CRTC2: variants seen among roughly 807,000 people sequenced by gnomAD.
The protein encoded by CRTC2 is CREB regulated transcription coactivator 2, also known as CREB-regulated transcription coactivator 2.
Under a neutral mutation model 70.9 loss-of-function variants are expected in CRTC2, and 25 were observed. The ratio of observed to expected loss-of-function variants is 0.35; its 90% CI spans 0.26 to 0.49. CRTC2 has a LOEUF of 0.49. Ranked by LOEUF, CRTC2 falls within the 20% of genes least tolerant of loss-of-function variation. The probability of loss-of-function intolerance (pLI) is 0.98; values close to 1 mark genes in which losing one functional copy is unlikely to be tolerated. For synonymous variants in CRTC2, 330 were observed against 364.1 expected (o/e 0.91, Z 1.07); for missense variants, 737 against 882.6 (o/e 0.83, Z 2.09).
chr1:153,948,308 G>C lies in CRTC2; in HGVS notation c.1883C>G (p.Ser628Cys), dbSNP rs1421958751. The stretch of plus-strand genomic sequence containing the variant: ...GGCCAGGGCTGCTGCAATCTCCTTA[G>C]AGAAACCTGGAGAGGAGTCCCCTGT... ...ILTGDSSPGF[S>C]KEIAAALAGV... is the part of the protein sequence containing the mutation. The change falls in exon 14 of 14, where the codon TCT becomes TGT. Residue 628 changes from serine (S) to cysteine (C), a missense_variant. Ser to Cys is a moderately radical substitution (Grantham distance 112). This residue lies in a region of CRTC2 where 699 missense variants were observed against 823.7 expected (regional missense o/e 0.85). Coordinates refer to ENST00000368633, the MANE Select transcript of CRTC2 (RefSeq NM_181715.3). 6.2e-7 allele frequency: 1 copy of C among 1,614,252 alleles called. No homozygotes were observed. Among genetic ancestry groups the C allele is most frequent in the Non-Finnish European group, 8.5e-7 (1 of 1,180,050 alleles).
rs1169815111 is a variant in CRTC2, at chr1:153,954,241, C to T, written c.434+14G>A. 1 of 1,606,164 alleles carries T rather than the reference C, an allele frequency of 6.2e-7. No individual in the cohort carries two copies. The highest frequency in any genetic ancestry group is 1.1e-5 in the South Asian group (1 of 90,214). On this transcript the variant is annotated intron_variant, in intron 4 of 13. Transcript: ENST00000368633. ...GAGAGTAGGCAGGAGCTTCTGCCCG[C>T]CCTGGACACTTACCTTCGCCAGCTA... is the stretch of plus-strand genomic sequence containing the variant.
chr1:153,953,469 G>C, intron 5 of CRTC2, 69 bp downstream of exon 5: 1 of 1,537,264 alleles, frequency 6.5e-7, no homozygotes, highest in Admixed American at 1.7e-5. Flanking sequence ...GAACAGGGTG[G>C]GGGTGAGGGA....
At position 153,947,980 on chromosome 1, in the gene CRTC2, G is replaced by C; in HGVS notation, c.*129C>G. 1 of 949,178 alleles carries C rather than the reference G, an allele frequency of 1.1e-6. No individual in the cohort carries two copies. The highest frequency in any genetic ancestry group is 1.5e-5 in the South Asian group (1 of 64,874). The allele number at this position is 949,178 out of a possible 1,614,324, so 58.8% of individuals were successfully genotyped here. A position where few individuals can be genotyped will look rare whatever the true frequency, so the allele number is the denominator to read the frequency against. On this transcript the variant is annotated 3_prime_UTR_variant, in exon 14 of 14. Coordinates refer to ENST00000368633, the MANE Select transcript of CRTC2 (RefSeq NM_181715.3). ...AAACCCCTTGCTTTTTCTCATTCTT[G>C]GCATCCTTCATTCATGCTAGAAAGA...
At chr1:153,958,055 A>G in intron 1 of CRTC2, 1 of 1,315,170 alleles carries the variant, frequency 7.6e-7, no homozygotes, top group Non-Finnish European at 9.7e-7. Flanking sequence ...CACAAGGACC[A>G]CTCACCTCCT....
rs1178213488 is a variant in CRTC2 at position 153,952,815 on chromosome 1, C to T, written c.627G>A (p.Met209Ile). 4 of 1,614,238 alleles carry T rather than the reference C, an allele frequency of 2.5e-6. No homozygotes were observed. Among genetic ancestry groups the T allele is most frequent in the Non-Finnish European group, 3.4e-6 (4 of 1,180,034 alleles). ...SRRGGILDGE[M>I]DPKVPAIEEN... ...GTGAGGAACACATACCTTTGGGGTC[C>T]ATTTCACCATCCAGAATACCTGCAA... Residue 209 changes from methionine (M) to isoleucine (I), a missense_variant, in exon 7 of 14, where the codon ATG becomes ATA. Physicochemically the swap from Met to Ile is conservative, Grantham distance 10 (BLOSUM62 1). This residue lies in a region of CRTC2 where 699 missense variants were observed against 823.7 expected (regional missense o/e 0.85). Coordinates refer to ENST00000368633, the MANE Select transcript of CRTC2 (RefSeq NM_181715.3).
At chr1:153,957,928 TGGA>T in intron 1 of CRTC2, 1 of 662,164 alleles carries the variant, frequency 1.5e-6, no homozygotes, top group Non-Finnish European at 2.0e-6. Context: ...GGGACCAGTT[TGGA>T]GGAGATCACA....
At chr1:153,957,316 AGAT>A (rs1680671328) in intron 1 of CRTC2, among the ~76,000 whole-genome samples, 2 of 152,184 alleles carry the variant, frequency 1.3e-5, no homozygotes, top group Non-Finnish European at 2.9e-5. Context: ...AAAAGGCTAG[AGAT>A]GTTGTAGTAA....
Position 153,949,231 on chromosome 1 carries a change from A to T in CRTC2, c.1558T>A (p.Ser520Thr), listed in dbSNP as rs1278675465. 6 of 1,614,076 alleles carry T rather than the reference A, an allele frequency of 3.7e-6. No homozygotes were observed. The highest frequency in any genetic ancestry group is 5.1e-6 in the Non-Finnish European group (6 of 1,180,008). The part of the protein sequence containing the change: ...LPSQSCSVQS[S>T]GGQPPGRQSH... ...TGCCTGCCTGGGGGCTGCCCACCTG[A>T]GGACTGCACTGAACAAGACTGAGAG... The change falls in exon 12 of 14, where the codon TCA (serine) becomes ACA (threonine). Residue 520 changes from serine to threonine, a missense_variant. By Grantham distance (58) the Ser-to-Thr change is moderately conservative (BLOSUM62 1). Around this residue, in one of 3 missense-constraint regions of CRTC2, gnomAD observed 699 missense variants for 823.7 expected, o/e 0.85. Transcript: ENST00000368633.
At chr1:153,948,754 G>C in intron 12 of CRTC2, 110 bp from the exon 13 acceptor site, 1 of 1,272,534 alleles carries the variant, frequency 7.9e-7, no homozygotes, top group Non-Finnish European at 1.1e-6. Context: ...CCCAGGAACA[G>C]AGGCAATGAC....
Position 153,949,344 on chromosome 1 carries a change from C to T in CRTC2, c.1445G>A (p.Arg482Gln), listed in dbSNP as rs142507189. 50 of 1,613,296 alleles carry T rather than the reference C, an allele frequency of 3.1e-5. No individual in the cohort carries two copies. Among genetic ancestry groups the T allele is most frequent in the Non-Finnish European group, 4.1e-5 (48 of 1,179,846 alleles). ...GGAGCTGTATGGGTATGGGGGTAAC[C>T]GCTGGTCAGTGGACAGTTTACTGGT... ...LDTSKLSTDQRLPPYPYSSPS... is the reference protein window; with the variant it reads ...LDTSKLSTDQQLPPYPYSSPS... Residue 482 changes from arginine to glutamine, a missense_variant, in exon 12 of 14, where the codon CGG becomes CAG. Arg to Gln is a conservative substitution (Grantham distance 43). Coordinates refer to ENST00000368633, the MANE Select transcript of CRTC2 (RefSeq NM_181715.3).
chr1:153,952,599 T>C lies in CRTC2; in HGVS notation c.674A>G (p.His225Arg). Residue 225 changes from histidine to arginine, a missense_variant, in exon 8 of 14, where the codon CAT becomes CGT. Physicochemically the swap from His to Arg is conservative, Grantham distance 29. Transcript: ENST00000368633. Reference sequence around the variant, plus strand: ...CTTAGCATCCCATGGCTTCAGCAAATGCTTGTCATCTAGCAAGTTCTCCTC... The same window carrying C: ...CTTAGCATCCCATGGCTTCAGCAAACGCTTGTCATCTAGCAAGTTCTCCTC... Reference protein sequence around the residue: ...AIEENLLDDKHLLKPWDAKKL... With the variant: ...AIEENLLDDKRLLKPWDAKKL... 6.2e-7 allele frequency: 1 copy of C among 1,614,202 alleles called. No individual in the cohort carries two copies. The highest frequency in any genetic ancestry group is 8.5e-7 in the Non-Finnish European group (1 of 1,180,038).
Position 153,952,208 on chromosome 1 carries a change from C to G in CRTC2, c.807G>C (p.Met269Ile). The G allele has an allele frequency of 3.1e-6, 5 of 1,612,922 alleles. No individual in the cohort carries two copies. In the South Asian group the frequency reaches 4.4e-5, roughly 14 times the overall value. The change falls in exon 10 of 14, where the codon ATG becomes ATC. Residue 269 changes from methionine to isoleucine, a missense_variant. Coordinates refer to ENST00000368633, the MANE Select transcript of CRTC2 (RefSeq NM_181715.3). ...GGTCAGGTAGGGAGCCCCCCGTGTT[C>G]ATGGCAGGTGGGAGGACAGGCACAT... ...PANVPVLPPA[M>I]NTGGSLPDLT...
At chr1:153,954,368 A>C (rs1680512378) in intron 3 of CRTC2, 52 bp from the exon 4 acceptor site, 1 of 1,299,520 alleles carries the variant, frequency 7.7e-7, no homozygotes, top group African/African-American at 1.5e-5. Flanking sequence ...GAGAGAGGCC[A>C]AATGAGGAAA....
At chr1:153,954,206 A>G in intron 4 of CRTC2, 49 bp downstream of exon 4, 1 of 1,464,058 alleles carries the variant, frequency 6.8e-7, no homozygotes, top group Non-Finnish European at 9.5e-7. Flanking sequence ...CTCCTTCCAG[A>G]AACACGTCAG....
chr1:153,956,307 T>C (rs1387007930), intron 1 of CRTC2, among the ~76,000 whole-genome samples: 1 of 152,250 alleles, frequency 6.6e-6, no homozygotes, highest in Non-Finnish European at 1.5e-5. Flanking sequence ...AGGGCCATCT[T>C]CCTGGTCTCA....
intron 11 of CRTC2, among the ~76,000 whole-genome samples, chr1:153,950,475 T>G (rs1333770509): frequency 6.6e-6 from 1 of 151,906 alleles, no homozygotes. Flanking sequence ...ATTCCAGGGA[T>G]AGCAATGGAG....
At chr1:153,948,675 T>C (rs756291646) in intron 12 of CRTC2, 31 bp from the exon 13 acceptor site, 3 of 1,564,046 alleles carry the variant, frequency 1.9e-6, no homozygotes, top group African/African-American at 1.4e-5. Context: ...CTTTAGGAAG[T>C]AGGATTTAGA....
chr1:153,951,951 C>T, intron 10 of CRTC2, 67 bp downstream of exon 10: 1 of 1,561,880 alleles, frequency 6.4e-7, no homozygotes, highest in South Asian at 1.2e-5. Flanking sequence ...GGTGCTCAAA[C>T]CTACCTCCCC....
At chr1:153,954,378 A>C in intron 3 of CRTC2, 62 bp from the exon 4 acceptor site, 1 of 1,150,214 alleles carries the variant, frequency 8.7e-7, no homozygotes, top group East Asian at 2.4e-5. Context: ...AAATGAGGAA[A>C]GAACAATGAA....
Sources: allele counts gnomAD v4.1 joint callset (sites outside exome capture counted in the v4.1 genomes callset), GRCh38; gene constraint gnomAD v4.1.1; regional missense constraint gnomAD v4.1.1; transcripts MANE v1.5; gene names NCBI Gene and HGNC (gene_info 2026-07-23, HGNC 2026-07-21).